Variants in GABRB2 observed in about 807,000 individuals in gnomAD.
GABRB2 encodes the protein gamma-aminobutyric acid type A receptor subunit beta2.
Under a neutral mutation model 54.7 loss-of-function variants are expected in GABRB2, and 16 were observed. The ratio of observed to expected loss-of-function variants is 0.29; its 90% CI spans 0.20 to 0.44. GABRB2 has a LOEUF of 0.44. Ranked by LOEUF, GABRB2 falls within the 20% of genes least tolerant of loss-of-function variation. The pLI, the probability that GABRB2 is intolerant of heterozygous loss-of-function variation, is 1.00. For synonymous variants in GABRB2, 244 were observed against 233.8 expected (o/e 1.04, Z -0.40); for missense variants, 355 against 644.0 (o/e 0.55, Z 4.86).
At chr5:161,537,338 A>G (rs1046674531) in intron 3 of GABRB2, among the ~76,000 whole-genome samples, 6 of 152,076 alleles carry the variant, frequency 3.9e-5, no homozygotes, top group Admixed American at 6.6e-5. Flanking sequence ...ACTGCTTCCT[A>G]ATTTGTACAC....
intron 4 of GABRB2, among the ~76,000 whole-genome samples, chr5:161,457,586 C>T (rs1269437409): frequency 2.0e-5 from 3 of 151,620 alleles, no homozygotes; most frequent in African/African-American, 7.3e-5. Flanking sequence ...GCTGGGACTA[C>T]AGGCCCCCGC....
At chr5:161,359,859 G>A (rs943352201) in intron 5 of GABRB2, among the ~76,000 whole-genome samples, 6 of 152,300 alleles carry the variant, frequency 3.9e-5, no homozygotes, top group African/African-American at 1.4e-4. Context: ...GAGGCAGGTA[G>A]ATCACGAGGT....
intron 9 of GABRB2, among the ~76,000 whole-genome samples, chr5:161,321,322 C>T (rs1011922373): frequency 1.3e-5 from 2 of 152,066 alleles, no homozygotes; most frequent in African/African-American, 2.4e-5. Flanking sequence ...TTTTAGTTTA[C>T]ATCATAAGAT....
At chr5:161,511,457 C>T (rs963917285) in intron 3 of GABRB2, among the ~76,000 whole-genome samples, 2 of 151,936 alleles carry the variant, frequency 1.3e-5, no homozygotes, top group African/African-American at 4.8e-5. Context: ...CCAAACAAGG[C>T]TTGTTCATCA....
chr5:161,434,700 A>G (rs17521925), intron 4 of GABRB2, among the ~76,000 whole-genome samples: 10,076 of 152,180 alleles, frequency 0.066, 470 homozygotes, highest in Middle Eastern at 0.088. Context: ...GTAAGCATAC[A>G]CCAAACAGAT....
intron 5 of GABRB2, among the ~76,000 whole-genome samples, chr5:161,355,842 A>G (rs551921264): frequency 2.6e-5 from 4 of 152,300 alleles, no homozygotes; most frequent in African/African-American, 9.6e-5. Context: ...TTTATTTAGT[A>G]TCCAACCTAC....
intron 9 of GABRB2, among the ~76,000 whole-genome samples, chr5:161,300,470 A>G (rs1040103411): frequency 1.3e-5 from 2 of 152,220 alleles, no homozygotes; most frequent in African/African-American, 4.8e-5. Flanking sequence ...CCAAAATCTT[A>G]TGACAAATAA....
intron 3 of GABRB2, among the ~76,000 whole-genome samples, chr5:161,476,880 G>T (rs1265793797): frequency 6.6e-6 from 1 of 151,826 alleles, no homozygotes; most frequent in Non-Finnish European, 1.5e-5. Context: ...ATTGGATTTT[G>T]TAATAATTTC....
intron 2 of GABRB2, among the ~76,000 whole-genome samples, chr5:161,545,948 G>T (rs1490745956): frequency 3.3e-5 from 5 of 152,194 alleles, no homozygotes; most frequent in Admixed American, 6.5e-5. Flanking sequence ...CCAACTGCCT[G>T]CACGTCTTGT....
intron 9 of GABRB2, among the ~76,000 whole-genome samples, chr5:161,302,439 G>C (rs1757565912): frequency 6.6e-6 from 1 of 152,122 alleles, no homozygotes; most frequent in Admixed American, 6.5e-5. Context: ...ATACTCTGGA[G>C]AGATGTCCTT....
intron 4 of GABRB2, among the ~76,000 whole-genome samples, chr5:161,430,069 G>A (rs1321008416): frequency 6.6e-6 from 1 of 152,148 alleles, no homozygotes; most frequent in Non-Finnish European, 1.5e-5. Context: ...GAGGGCTAAT[G>A]TTAAGCAGCC....
rs996580904 is a variant in GABRB2 at position 161,376,465 on chromosome 5, G to A, written c.541+34510C>T. Among the ~76,000 whole-genome samples, 8 of 151,898 alleles carry A rather than the reference G, an allele frequency of 5.3e-5. No homozygotes were observed. In the East Asian group the frequency reaches 5.8e-4, roughly 11 times the overall value. ...AAATGAAGCCCACATGTGAAAAGAC[G>A]AGAAAAAAATGCCTTTTTCCTAAGT... is the stretch of plus-strand genomic sequence containing the variant. On this transcript the variant is annotated intron_variant, in intron 5 of 9. Transcript: ENST00000393959.
intron 4 of GABRB2, among the ~76,000 whole-genome samples, chr5:161,448,364 T>C (rs9313886): frequency 0.43 from 64,739 of 151,904 alleles, 15,203 homozygotes; most frequent in African/African-American, 0.64. Context: ...TCGAAGCTGC[T>C]CTGAACTATG....
intron 3 of GABRB2, among the ~76,000 whole-genome samples, chr5:161,510,026 G>A (rs139096549): frequency 2.2e-4 from 34 of 151,714 alleles, no homozygotes; most frequent in Admixed American, 7.9e-4. Context: ...GTACATTTAC[G>A]GGGTACATGA....
chr5:161,367,196 T>C (rs962882935), intron 5 of GABRB2, among the ~76,000 whole-genome samples: 3 of 152,232 alleles, frequency 2.0e-5, no homozygotes, highest in Non-Finnish European at 4.4e-5. Context: ...ATTCTATTCT[T>C]TGAATTTCTT....
At chr5:161,526,951 T>G (rs1309306472) in intron 3 of GABRB2, among the ~76,000 whole-genome samples, 1 of 151,496 alleles carries the variant, frequency 6.6e-6, no homozygotes, top group Non-Finnish European at 1.5e-5. Flanking sequence ...CCTTCTGTAT[T>G]CCTCAATAAA....
At chr5:161,359,994 T>G (rs1429701994) in intron 5 of GABRB2, among the ~76,000 whole-genome samples, 1 of 151,854 alleles carries the variant, frequency 6.6e-6, no homozygotes, top group Admixed American at 6.6e-5. Context: ...GGCAGGAGAA[T>G]CACTTGAACC....
chr5:161,451,165 A>C (rs1319523138), intron 4 of GABRB2, among the ~76,000 whole-genome samples: 1 of 152,204 alleles, frequency 6.6e-6, no homozygotes, highest in African/African-American at 2.4e-5. Context: ...AATTCATTAC[A>C]GACTAACATT....
chr5:161,326,262 GTTCATAGGTTATCTGCAAAGATC>G, intron 9 of GABRB2, 83 bp downstream of exon 9: 1 of 1,497,556 alleles, frequency 6.7e-7, no homozygotes, highest in South Asian at 1.2e-5. Flanking sequence ...GTGGATACAT[GTTCATAGGTTATCTGCAAAGATC>G]CCACACATTT....
Sources: gnomAD v4.1 joint callset for allele counts (sites outside exome capture counted in the v4.1 genomes callset) on GRCh38, gnomAD v4.1.1 for gene constraint, MANE v1.5 for transcripts, NCBI Gene and HGNC (gene_info 2026-07-23, HGNC 2026-07-21) for gene names.